The following RPH3AL variants were observed in gnomAD, a reference collection of about 807,000 sequenced individuals.
RPH3AL encodes the protein rab effector Noc2.
A neutral mutation model predicts 43.1 loss-of-function variants in RPH3AL; 38 were observed. That is an observed-to-expected ratio of 0.88 (90% CI 0.68 to 1.15). The LOEUF is 1.15. RPH3AL is among the 50% of genes most tolerant of loss of function. RPH3AL has a pLI of 0.00. For synonymous variants in RPH3AL, 189 were observed against 176.3 expected (o/e 1.07, Z -0.57); for missense variants, 462 against 423.2 (o/e 1.09, Z -0.81).
chr17:325,558 G>C (rs915230388), intron 3 of RPH3AL, among the ~76,000 whole-genome samples: 4 of 152,166 alleles, frequency 2.6e-5, no homozygotes, highest in Non-Finnish European at 5.9e-5. Flanking sequence ...CCATCTTCTG[G>C]GTCCCAGTGT....
At chr17:242,145 A>G (rs759479347) in intron 7 of RPH3AL, among the ~76,000 whole-genome samples, 7 of 152,130 alleles carry the variant, frequency 4.6e-5, no homozygotes, top group Non-Finnish European at 7.4e-5. Context: ...TAACAAAAAA[A>G]CTTTAAAGGA....
intron 5 of RPH3AL, among the ~76,000 whole-genome samples, chr17:316,239 A>C (rs1598106642): frequency 7.1e-5 from 6 of 84,398 alleles, no homozygotes; most frequent in African/African-American, 1.2e-4. Context: ...CTGTGCCCCC[A>C]CCTCCATTGA....
Position 290,199 on chromosome 17 carries a change from G to A in RPH3AL, c.352-8345C>T, listed in dbSNP as rs114080262. 1.4e-3 allele frequency among the ~76,000 whole-genome samples: 216 copies of A among 152,392 alleles called. 1 individual carries two copies. Among genetic ancestry groups the A allele is most frequent in the African/African-American group, 4.9e-3 (205 of 41,600 alleles). ...GGCACTCGCTCAGCGACACGAGGCA[G>A]GGTCCAATCACGTCCACATTGAGTG... is the stretch of plus-strand genomic sequence containing the variant. On this transcript the variant is annotated intron_variant, in intron 5 of 9. Coordinates refer to ENST00000331302, the MANE Select transcript of RPH3AL (RefSeq NM_006987.4). This position sits in a 1 kb window ranked among gnomAD's most constrained non-coding sequence, Gnocchi z 4.2.
chr17:309,453 C>CCCCCG (rs2043580717), intron 5 of RPH3AL, among the ~76,000 whole-genome samples: 2 of 144,188 alleles, frequency 1.4e-5, no homozygotes, highest in Non-Finnish European at 3.1e-5. Flanking sequence ...TACGGCACAT[C>CCCCCG]CCTTGTCCAG....
Position 219,722 on chromosome 17 carries a change from T to C in RPH3AL, c.628A>G (p.Ser210Gly). Residue 210 changes from serine (S) to glycine (G), a missense_variant, in exon 8 of 10, where the codon AGT (serine) becomes GGT (glycine). Ser to Gly is a moderately conservative substitution (Grantham distance 56). Coordinates refer to ENST00000331302, the MANE Select transcript of RPH3AL (RefSeq NM_006987.4). ...WARGRVVSSD[S>G]DSDSDLSSSS... ...GAGCTAAGATCCGAGTCACTGTCAC[T>C]GTCACTGGAAACCACTGGAAGAGAC... 1 of 1,613,454 alleles carries C rather than the reference T, an allele frequency of 6.2e-7. No individual in the cohort carries two copies.
intron 5 of RPH3AL, among the ~76,000 whole-genome samples, chr17:298,292 A>T (rs2043231122): frequency 6.6e-6 from 1 of 152,082 alleles, no homozygotes; most frequent in Admixed American, 6.5e-5. Flanking sequence ...TCAGGGGTAG[A>T]GCACCGGCCT....
At chr17:236,605 G>A (rs938067378) in intron 7 of RPH3AL, among the ~76,000 whole-genome samples, 17 of 152,228 alleles carry the variant, frequency 1.1e-4, no homozygotes, top group Non-Finnish European at 1.9e-4. Flanking sequence ...CAGAGCGGGC[G>A]TCGGGAGCAC....
chr17:259,156 A>C (rs2042142013), intron 6 of RPH3AL, among the ~76,000 whole-genome samples: 1 of 152,154 alleles, frequency 6.6e-6, no homozygotes, highest in African/African-American at 2.4e-5. Flanking sequence ...GGAAGGTCTA[A>C]GAGCTCACCC....
chr17:299,080 A>C (rs1022353642), intron 5 of RPH3AL, among the ~76,000 whole-genome samples: 1 of 151,352 alleles, frequency 6.6e-6, no homozygotes, highest in East Asian at 2.0e-4. Flanking sequence ...AGGGAGGGGG[A>C]CAGTGACCTA....
At chr17:247,470 A>G (rs2041795705) in intron 6 of RPH3AL, among the ~76,000 whole-genome samples, 185 bp from the exon 7 acceptor site, 1 of 152,108 alleles carries the variant, frequency 6.6e-6, no homozygotes, top group Admixed American at 6.5e-5. Flanking sequence ...TCAGGACATG[A>G]ACTCTCCAAA....
chr17:292,493 G>T (rs1046129589), intron 5 of RPH3AL, among the ~76,000 whole-genome samples: 1 of 152,216 alleles, frequency 6.6e-6, no homozygotes, highest in African/African-American at 2.4e-5. Context: ...TATGGGGTGG[G>T]TATGACTGTT....
At chr17:268,317 T>C (rs545362865) in intron 6 of RPH3AL, among the ~76,000 whole-genome samples, 2 of 152,300 alleles carry the variant, frequency 1.3e-5, no homozygotes, top group African/African-American at 2.4e-5. Flanking sequence ...ACCTTCACGA[T>C]GACCCACTTC....
At chr17:315,186 GTCCCTGTGCTCCACCTCC>G (rs2043924824) in intron 5 of RPH3AL, among the ~76,000 whole-genome samples, 3 of 96,650 alleles carry the variant, frequency 3.1e-5, no homozygotes, top group Non-Finnish European at 3.9e-5. Flanking sequence ...TTCACCTGTA[GTCCCTGTGCTCCACCTCC>G]ATTCACCTGT....
intron 5 of RPH3AL, among the ~76,000 whole-genome samples, chr17:302,486 T>C (rs1482208960): frequency 1.3e-5 from 2 of 152,306 alleles, no homozygotes; most frequent in South Asian, 2.1e-4. Flanking sequence ...GGTGTGTCTG[T>C]GTGCGGTGCG....
At position 331,368 on chromosome 17, in the gene RPH3AL, AG is replaced by A. The variant is rs1308638569; in HGVS notation, c.-37+2390del. 1.3e-5 allele frequency: 3 copies of A among 230,054 alleles called. No individual in the cohort carries two copies. In the East Asian group the frequency reaches 3.9e-4, roughly 30 times the overall value. 14.3% of individuals were successfully genotyped at this position (230,054 alleles called of 1,614,324 possible). ...CTGGGGCCACGGGCAGCGCCAGGGCAGGTTCATCACTGATGGCAAGTCTGTG... is the reference window on the plus strand; with the variant it reads ...CTGGGGCCACGGGCAGCGCCAGGGCAGTTCATCACTGATGGCAAGTCTGTG... On this transcript the variant is annotated intron_variant, in intron 2 of 9. Coordinates refer to ENST00000331302, the MANE Select transcript of RPH3AL (RefSeq NM_006987.4).
chr17:286,113 T>A lies in RPH3AL; in HGVS notation c.352-4259A>T, dbSNP rs141278921. Among the ~76,000 whole-genome samples, 13 of 152,256 alleles carry A rather than the reference T, an allele frequency of 8.5e-5. 1 individual carries two copies. Among genetic ancestry groups the A allele is most frequent in the African/African-American group, 3.1e-4 (13 of 41,554 alleles). On this transcript the variant is annotated intron_variant, in intron 5 of 9. Transcript: ENST00000331302. Reference sequence around the variant, plus strand: ...GACAAATGTGCACGTGTCTCACTGATGAAACAGTGCCGTGGGGGCAGGGAG... The same window carrying A: ...GACAAATGTGCACGTGTCTCACTGAAGAAACAGTGCCGTGGGGGCAGGGAG...
In RPH3AL at chr17:213,822, C is replaced by T. The variant is rs748877288; in HGVS notation, c.*30G>A. ...GGCAGGGTCTGGCAGGAATCCTCCACAGGGAAGTCTGTTCCAGGCACCAGA... is the reference window on the plus strand; with the variant it reads ...GGCAGGGTCTGGCAGGAATCCTCCATAGGGAAGTCTGTTCCAGGCACCAGA... On this transcript the variant is annotated 3_prime_UTR_variant, in exon 10 of 10. Coordinates refer to ENST00000331302, the MANE Select transcript of RPH3AL (RefSeq NM_006987.4). 3.3e-5 allele frequency: 53 copies of T among 1,595,128 alleles called. No homozygotes were observed. Among genetic ancestry groups the T allele is most frequent in the Admixed American group, 5.0e-5 (3 of 59,942 alleles).
At chr17:273,867 T>C (rs1036190512) in intron 6 of RPH3AL, among the ~76,000 whole-genome samples, 2 of 152,178 alleles carry the variant, frequency 1.3e-5, no homozygotes, top group Non-Finnish European at 2.9e-5. Context: ...ACGCTAATTG[T>C]CTTAACCAGC....
chr17:263,346 G>A lies in RPH3AL; in HGVS notation c.439-16061C>T, dbSNP rs536159210. Among the ~76,000 whole-genome samples, 8 of 152,256 alleles carry A rather than the reference G, an allele frequency of 5.3e-5. No homozygotes were observed. The South Asian group carries it at 1.2e-3, about 24-fold the overall frequency. Reference sequence around the variant, plus strand: ...ATCAGGGGACAGAGGGGAAGCAGAGGAGTCCAAGCTGGCCAGCTCCTCATC... The same window carrying A: ...ATCAGGGGACAGAGGGGAAGCAGAGAAGTCCAAGCTGGCCAGCTCCTCATC... On this transcript the variant is annotated intron_variant, in intron 6 of 9. Transcript: ENST00000331302.
Sources: allele counts gnomAD v4.1 joint callset (sites outside exome capture counted in the v4.1 genomes callset), GRCh38; gene constraint gnomAD v4.1.1; non-coding constraint Gnocchi (gnomAD v3.1); transcripts MANE v1.5; gene names NCBI Gene and HGNC (gene_info 2026-07-23, HGNC 2026-07-21).